Variants in CADM2 observed in about 807,000 individuals in gnomAD.
CADM2 encodes cell adhesion molecule 2, also known as immunoglobulin superfamily member 4D.
In CADM2, 12 loss-of-function variants were observed where a neutral mutation model predicts 49.8. The observed-to-expected ratio is 0.24, with a 90% CI of 0.15 to 0.39. CADM2 has a LOEUF of 0.39. Ranked by LOEUF, CADM2 falls within the 10% of genes least tolerant of loss-of-function variation. The pLI is 1.00. For missense variants in CADM2, 378 were observed against 492.3 expected (o/e 0.77, Z 2.20); for synonymous variants, 214 against 175.4 (o/e 1.22, Z -1.74).
At chr3:85,705,638 G>C (rs1577126742) in intron 1 of CADM2, among the ~76,000 whole-genome samples, 1 of 152,076 alleles carries the variant, frequency 6.6e-6, no homozygotes, top group Non-Finnish European at 1.5e-5. Context: ...AGTTCTGTGG[G>C]CCTTCATTAT....
chr3:86,065,644 C>T lies in CADM2; in HGVS notation c.1010C>T (p.Ala337Val). ...ALAGQNGPDH[A>V]LIGGIVAVVV... ...GCTGGCCAGAATGGCCCTGACCATG[C>T]TCTCATAGGAGGAATAGTGGCTGTA... The change falls in exon 9 of 10, where the codon GCT becomes GTT. Residue 337 changes from alanine (A) to valine (V), a missense_variant. Coordinates refer to ENST00000383699, the MANE Select transcript of CADM2 (RefSeq NM_001167675.2). 6.2e-7 allele frequency: 1 copy of T among 1,613,892 alleles called. No individual in the cohort carries two copies. Among genetic ancestry groups the T allele is most frequent in the Non-Finnish European group, 8.5e-7 (1 of 1,179,838 alleles).
At chr3:85,334,964 T>C (rs2045037226) in intron 1 of CADM2, among the ~76,000 whole-genome samples, 1 of 151,150 alleles carries the variant, frequency 6.6e-6, no homozygotes, top group Non-Finnish European at 1.5e-5. Flanking sequence ...AATAGGGCTA[T>C]GAAGTTACAA....
intron 1 of CADM2, among the ~76,000 whole-genome samples, chr3:85,681,637 C>T (rs917593522): frequency 6.6e-6 from 1 of 152,038 alleles, no homozygotes; most frequent in African/African-American, 2.4e-5. Flanking sequence ...CTTCATCTGG[C>T]AGGCTATGAA....
At chr3:85,469,957 T>A (rs567556417) in intron 1 of CADM2, among the ~76,000 whole-genome samples, 1 of 152,122 alleles carries the variant, frequency 6.6e-6, no homozygotes, top group East Asian at 1.9e-4. Context: ...GCCAGGAAAA[T>A]AGCGTTTTTG....
At chr3:85,231,870 C>T (rs925080711) in intron 1 of CADM2, among the ~76,000 whole-genome samples, 1 of 151,482 alleles carries the variant, frequency 6.6e-6, no homozygotes, top group Non-Finnish European at 1.5e-5. Flanking sequence ...CCGCACCACA[C>T]CCGACTAATT....
intron 1 of CADM2, among the ~76,000 whole-genome samples, chr3:85,478,462 G>GT (rs2039073362): frequency 3.3e-5 from 5 of 151,830 alleles, no homozygotes; most frequent in Admixed American, 1.3e-4. Context: ...TGAACAAGAT[G>GT]TTTTTGAGTG....
intron 1 of CADM2, among the ~76,000 whole-genome samples, chr3:84,973,639 A>G (rs2031616549): frequency 6.6e-6 from 1 of 152,168 alleles, no homozygotes; most frequent in Non-Finnish European, 1.5e-5. Context: ...CTATGTAACA[A>G]GCAACAATAT....
intron 1 of CADM2, among the ~76,000 whole-genome samples, chr3:85,392,338 C>T (rs902056871): frequency 6.6e-6 from 1 of 152,062 alleles, no homozygotes; most frequent in African/African-American, 2.4e-5. Flanking sequence ...AATGCAGCCA[C>T]ATAACTGTGT....
At chr3:84,978,642 C>T (rs1292113925) in intron 1 of CADM2, among the ~76,000 whole-genome samples, 1 of 152,010 alleles carries the variant, frequency 6.6e-6, no homozygotes, top group African/African-American at 2.4e-5. Context: ...GCTGAAATGC[C>T]GTAAGAAGAC....
intron 1 of CADM2, among the ~76,000 whole-genome samples, chr3:85,390,565 T>C (rs1377503374): frequency 2.0e-5 from 3 of 152,046 alleles, no homozygotes; most frequent in Non-Finnish European, 4.4e-5. Flanking sequence ...ATTCCTGTTT[T>C]CTCCTCTTTA....
intron 7 of CADM2, among the ~76,000 whole-genome samples, chr3:85,952,272 A>G (rs1000219523): frequency 1.3e-5 from 2 of 150,800 alleles, no homozygotes; most frequent in African/African-American, 4.8e-5. Context: ...CAATGACACT[A>G]TTCTCTTGAT....
chr3:86,059,553 T>G (rs922197747), intron 8 of CADM2, among the ~76,000 whole-genome samples: 3 of 152,186 alleles, frequency 2.0e-5, no homozygotes, highest in African/African-American at 7.2e-5. Context: ...TACTCCAACA[T>G]TAACAGGCTA....
At chr3:85,325,427 G>T (rs2044725109) in intron 1 of CADM2, among the ~76,000 whole-genome samples, 1 of 152,038 alleles carries the variant, frequency 6.6e-6, no homozygotes, top group South Asian at 2.1e-4. Flanking sequence ...AAAGTATGAA[G>T]TCAGCTGGGT....
intron 7 of CADM2, among the ~76,000 whole-genome samples, chr3:85,941,450 C>T (rs1014248909): frequency 1.6e-4 from 24 of 152,132 alleles, no homozygotes; most frequent in African/African-American, 5.5e-4. Flanking sequence ...CATGGCAAAA[C>T]TGATACAGCA....
chr3:85,263,410 C>T (rs1248793046), intron 1 of CADM2, among the ~76,000 whole-genome samples: 1 of 152,072 alleles, frequency 6.6e-6, no homozygotes, highest in Non-Finnish European at 1.5e-5. Context: ...CTAAATGTTT[C>T]GTATAGTACC....
intron 1 of CADM2, among the ~76,000 whole-genome samples, chr3:85,214,982 C>A (rs1372087546): frequency 1.3e-5 from 2 of 152,016 alleles, no homozygotes; most frequent in African/African-American, 4.8e-5. Context: ...TGCTGCAGGA[C>A]AACATCTCCT....
chr3:85,687,810 T>C (rs979127600), intron 1 of CADM2, among the ~76,000 whole-genome samples: 3 of 152,312 alleles, frequency 2.0e-5, no homozygotes, highest in African/African-American at 4.8e-5. Context: ...CTGCTTGCCA[T>C]GGACCAGTAC....
rs201848495 is a variant in CADM2 at position 86,066,741 on chromosome 3, C to A, written c.1173C>A (p.Gly391=). 259 of 1,613,616 alleles carry A rather than the reference C, an allele frequency of 1.6e-4. No individual in the cohort carries two copies. The highest frequency in any genetic ancestry group is 2.1e-4 in the Non-Finnish European group (249 of 1,179,668). Residue 391 remains glycine (G), a synonymous_variant, in exon 10 of 10, where the codon GGC becomes GGA. Transcript: ENST00000383699. The part of the protein sequence containing the change: ...DADTAIINAE[G]SQVNAEEKKE... ...ATACAGCCATTATCAATGCTGAAGG[C>A]AGCCAAGTCAATGCTGAAGAGAAAA...
At chr3:85,123,762 C>A (rs940524582) in intron 1 of CADM2, among the ~76,000 whole-genome samples, 4 of 151,944 alleles carry the variant, frequency 2.6e-5, no homozygotes, top group Non-Finnish European at 5.9e-5. Context: ...TTATCTTATC[C>A]CACAGATATT....
Sources: allele counts gnomAD v4.1 joint callset (sites outside exome capture counted in the v4.1 genomes callset), GRCh38; gene constraint gnomAD v4.1.1; transcripts MANE v1.5; gene names NCBI Gene and HGNC (gene_info 2026-07-23, HGNC 2026-07-21).